The following ABCB4 variants were observed in gnomAD, a reference collection of about 807,000 sequenced individuals.
ABCB4 encodes phosphatidylcholine translocator ABCB4.
ABCB4 carries 76 observed loss-of-function variants against 145.7 expected under a neutral mutation model. The observed-to-expected ratio is 0.52, with a 90% CI of 0.43 to 0.63. The LOEUF (loss-of-function observed/expected upper bound fraction) is 0.63. Ranked by LOEUF, ABCB4 falls within the 30% of genes least tolerant of loss-of-function variation. The pLI, the probability that ABCB4 is intolerant of heterozygous loss-of-function variation, is 0.00. For missense variants in ABCB4, 1,234 were observed against 1,553.1 expected, an observed-to-expected ratio of 0.79 and a Z score of 3.45; for synonymous variants, 517 against 566.8, an observed-to-expected ratio of 0.91 and a Z score of 1.25.
chr7:87,373,545 T>TA, the ABCB4 span, among the ~76,000 whole-genome samples: 19 of 151,996 alleles, frequency 1.3e-4, no homozygotes, highest in Non-Finnish European at 1.2e-4. Flanking sequence ...AAGATCTTTT[T>TA]AAAAAAAATT....
intron 5 of ABCB4, among the ~76,000 whole-genome samples, chr7:87,453,489 C>T (rs1811900435): frequency 6.6e-6 from 1 of 151,686 alleles, no homozygotes; most frequent in African/African-American, 2.4e-5. Flanking sequence ...ACCCTACCAT[C>T]CTTTATTCAT....
the ABCB4 span, among the ~76,000 whole-genome samples, chr7:87,371,128 TTG>T: frequency 3.9e-5 from 6 of 152,238 alleles, no homozygotes; most frequent in African/African-American, 1.4e-4. Flanking sequence ...ATTATACATT[TTG>T]TGTTCTGTTT....
chr7:87,382,373 A>G, the ABCB4 span: 5 of 1,598,462 alleles, frequency 3.1e-6, no homozygotes, highest in Non-Finnish European at 4.3e-6. Flanking sequence ...TATTCTCCTT[A>G]GGTGATTTTT....
At chr7:87,403,812 G>A (rs960903326) in intron 26 of ABCB4, among the ~76,000 whole-genome samples, 1 of 152,182 alleles carries the variant, frequency 6.6e-6, no homozygotes, top group Non-Finnish European at 1.5e-5. Context: ...GACTGTAGTA[G>A]TATACACAGC....
At chr7:87,411,643 A>T (rs911883950) in intron 23 of ABCB4, among the ~76,000 whole-genome samples, 2 of 152,172 alleles carry the variant, frequency 1.3e-5, no homozygotes, top group African/African-American at 4.8e-5. Flanking sequence ...CCTGACCAGG[A>T]TCATATGTAC....
At chr7:87,467,809 G>A (rs1024599430) in intron 3 of ABCB4, among the ~76,000 whole-genome samples, 8 of 152,172 alleles carry the variant, frequency 5.3e-5, no homozygotes, top group African/African-American at 1.4e-4. Flanking sequence ...GGCACATAAC[G>A]AAATGAAGGC....
intron 4 of ABCB4, among the ~76,000 whole-genome samples, chr7:87,457,292 C>T (rs1040544714): frequency 6.6e-6 from 1 of 152,074 alleles, no homozygotes; most frequent in Non-Finnish European, 1.5e-5. Flanking sequence ...TGCCTGTAGT[C>T]CCAGCTACAC....
intron 8 of ABCB4, among the ~76,000 whole-genome samples, chr7:87,448,878 A>C (rs568308212): frequency 6.6e-6 from 1 of 152,206 alleles, no homozygotes; most frequent in Non-Finnish European, 1.5e-5. Context: ...TTTTATATCC[A>C]AGAGTTGTGA....
At chr7:87,454,682 G>A in intron 4 of ABCB4, 90 bp from the exon 5 acceptor site, 1 of 961,564 alleles carries the variant, frequency 1.0e-6, no homozygotes. Flanking sequence ...TAATTTAAAT[G>A]TATGAAAGCT....
downstream of ABCB4, chr7:87,398,636 C>T (rs866567540): frequency 3.7e-6 from 6 of 1,613,080 alleles, no homozygotes; most frequent in African/African-American, 6.7e-5. Flanking sequence ...GAACTCTACT[C>T]ATCTTTAGAG....
the ABCB4 span, among the ~76,000 whole-genome samples, chr7:87,378,346 CAAA>C: frequency 2.3e-5 from 3 of 132,880 alleles, no homozygotes; most frequent in Non-Finnish European, 1.6e-5. Flanking sequence ...ACTCCGACTC[CAAA>C]AAAAAAAAAA....
chr7:87,417,644 T>C (rs112266731), intron 20 of ABCB4, 129 bp from the exon 21 acceptor site: 10 of 760,294 alleles, frequency 1.3e-5, no homozygotes, highest in African/African-American at 1.0e-4. Flanking sequence ...TTCATTACAA[T>C]AAACCCACAA....
At chr7:87,443,634 G>C (rs770881069) in intron 11 of ABCB4, 29 bp downstream of exon 11, 6 of 1,589,614 alleles carry the variant, frequency 3.8e-6, no homozygotes, top group South Asian at 1.1e-5. Flanking sequence ...ACCTCAGTTA[G>C]GAATTCCTAT....
chr7:87,381,738 A>G, the ABCB4 span, among the ~76,000 whole-genome samples: 2 of 152,226 alleles, frequency 1.3e-5, no homozygotes, highest in African/African-American at 2.4e-5. Context: ...AAAATATAGC[A>G]GTTACTGAAC....
the ABCB4 span, among the ~76,000 whole-genome samples, chr7:87,395,881 T>C: frequency 6.6e-6 from 1 of 152,030 alleles, no homozygotes; most frequent in South Asian, 2.1e-4. Context: ...ATAGAAAGGA[T>C]TGTCACCAAG....
chr7:87,409,190 C>A, intron 24 of ABCB4, 46 bp downstream of exon 24: 2 of 1,612,042 alleles, frequency 1.2e-6, no homozygotes, highest in Non-Finnish European at 1.7e-6. Context: ...GACAGCAAAC[C>A]TTAGGGAAAA....
intron 18 of ABCB4, 141 bp downstream of exon 18, chr7:87,421,980 A>G (rs1809470719): frequency 1.5e-6 from 1 of 667,972 alleles, no homozygotes; most frequent in Admixed American, 2.7e-5. Flanking sequence ...CCTGATAAGG[A>G]GTCTACCCTC....
downstream of ABCB4, chr7:87,401,666 T>C (rs886710331): frequency 1.6e-5 from 4 of 253,340 alleles, no homozygotes; most frequent in Non-Finnish European, 3.1e-5. Context: ...GATTCCACAA[T>C]AGAATGATTT....
chr7:87,451,757 C>A lies in ABCB4; in HGVS notation c.574G>T (p.Val192Phe), dbSNP rs749651570. Reference protein sequence around the residue: ...SKISEGIGDKVGMFFQAVATF... With the variant: ...SKISEGIGDKFGMFFQAVATF... Reference sequence around the variant, plus strand: ...GCTACTGCTTGAAAGAACATTCCAACCTTGTCACCAATTCCTTCACTGATT... The same window carrying A: ...GCTACTGCTTGAAAGAACATTCCAAACTTGTCACCAATTCCTTCACTGATT... The change falls in exon 7 of 28, where the codon GTT becomes TTT. Residue 192 changes from valine (V) to phenylalanine (F), a missense_variant. By Grantham distance (50) the Val-to-Phe change is conservative (BLOSUM62 -1). This residue lies in a region of ABCB4 where 467 missense variants were observed against 632.8 expected (regional missense o/e 0.74). Transcript: ENST00000649586. 19 of 1,614,000 alleles carry A rather than the reference C, an allele frequency of 1.2e-5. No homozygotes were observed. Among genetic ancestry groups the A allele is most frequent in the African/African-American group, 2.7e-5 (2 of 74,904 alleles).
Sources: gnomAD v4.1 joint callset for allele counts (sites outside exome capture counted in the v4.1 genomes callset) on GRCh38, gnomAD v4.1.1 for gene constraint, gnomAD v4.1.1 regional missense constraint, MANE v1.5 for transcripts, NCBI Gene and HGNC (gene_info 2026-07-23, HGNC 2026-07-21) for gene names.